LRMDA: variants seen among roughly 807,000 people sequenced by gnomAD.
LRMDA encodes the protein leucine rich melanocyte differentiation associated.
Under a neutral mutation model 29.8 loss-of-function variants are expected in LRMDA, and 18 were observed. The ratio of observed to expected loss-of-function variants is 0.60; its 90% CI spans 0.42 to 0.90. LRMDA has a LOEUF of 0.90. Among genes scored for constraint, LRMDA ranks in the 40% least tolerant of loss-of-function variants. LRMDA has a pLI of 0.00. For missense variants in LRMDA, 273 were observed against 273.9 expected, an observed-to-expected ratio of 1.00 and a Z score of 0.02; for synonymous variants, 125 against 109.4, an observed-to-expected ratio of 1.14 and a Z score of -0.89.
intron 5 of LRMDA, among the ~76,000 whole-genome samples, chr10:76,161,719 C>T (rs1453185978): frequency 6.6e-6 from 1 of 152,172 alleles, no homozygotes; most frequent in Non-Finnish European, 1.5e-5. Context: ...GGCCTTCCTG[C>T]CCTGTCTTTT....
At chr10:76,363,425 A>T (rs1841353930) in intron 6 of LRMDA, among the ~76,000 whole-genome samples, 1 of 152,140 alleles carries the variant, frequency 6.6e-6, no homozygotes, top group Non-Finnish European at 1.5e-5. Context: ...AATTCAGTGG[A>T]ATGTACATAA....
chr10:75,702,153 G>A (rs1023059969), intron 2 of LRMDA, among the ~76,000 whole-genome samples: 2 of 152,070 alleles, frequency 1.3e-5, no homozygotes, highest in Non-Finnish European at 2.9e-5. Context: ...GACTAGTTTG[G>A]CTTTCCTTGC....
intron 5 of LRMDA, among the ~76,000 whole-genome samples, chr10:76,199,008 A>G (rs1851380266): frequency 6.6e-6 from 1 of 152,300 alleles, no homozygotes; most frequent in South Asian, 2.1e-4. Flanking sequence ...GAAGAGGAAT[A>G]TCTTCATTCA....
intron 2 of LRMDA, among the ~76,000 whole-genome samples, chr10:75,977,901 T>C (rs939068379): frequency 2.3e-5 from 3 of 133,246 alleles, no homozygotes; most frequent in African/African-American, 9.6e-5. Flanking sequence ...TGTGCCTCAG[T>C]TTCCGCATCT....
intron 6 of LRMDA, among the ~76,000 whole-genome samples, chr10:76,384,056 C>T (rs1256717587): frequency 6.6e-6 from 1 of 152,188 alleles, no homozygotes; most frequent in East Asian, 1.9e-4. Context: ...ATAGTAAACT[C>T]CCAAAGAGCA....
At chr10:75,669,809 T>A (rs1841869207) in intron 2 of LRMDA, among the ~76,000 whole-genome samples, 1 of 152,166 alleles carries the variant, frequency 6.6e-6, no homozygotes, top group African/African-American at 2.4e-5. Flanking sequence ...TAAAGACATA[T>A]AAATAGGAGA....
At chr10:76,229,010 A>G (rs1852011697) in intron 5 of LRMDA, among the ~76,000 whole-genome samples, 1 of 152,222 alleles carries the variant, frequency 6.6e-6, no homozygotes, top group African/African-American at 2.4e-5. Flanking sequence ...TTTCTCACTG[A>G]TACAGTTTTT....
At chr10:76,084,041 A>G (rs1040385260) in intron 5 of LRMDA, among the ~76,000 whole-genome samples, 4 of 152,130 alleles carry the variant, frequency 2.6e-5, no homozygotes, top group African/African-American at 9.7e-5. Flanking sequence ...AGCAACATTC[A>G]TGAACGGAGG....
intron 2 of LRMDA, among the ~76,000 whole-genome samples, chr10:75,920,885 T>C (rs1007131288): frequency 4.6e-5 from 7 of 152,300 alleles, no homozygotes; most frequent in Middle Eastern, 3.4e-3. Context: ...CCTCTGGAGA[T>C]GTCTGATAGG....
intron 2 of LRMDA, among the ~76,000 whole-genome samples, chr10:75,804,766 T>C (rs777513390): frequency 2.0e-5 from 3 of 152,230 alleles, no homozygotes; most frequent in Non-Finnish European, 2.9e-5. Context: ...GTAGGGAAGA[T>C]AGATGGCTCT....
chr10:76,519,799 T>C (rs1207448130), intron 6 of LRMDA, among the ~76,000 whole-genome samples: 1 of 152,000 alleles, frequency 6.6e-6, no homozygotes, highest in Non-Finnish European at 1.5e-5. Context: ...ATTTTTATGT[T>C]ATAAACAGCT....
intron 5 of LRMDA, among the ~76,000 whole-genome samples, chr10:76,153,100 A>G (rs1850476070): frequency 6.6e-6 from 1 of 152,098 alleles, no homozygotes; most frequent in Non-Finnish European, 1.5e-5. Context: ...CGGCCTCCCA[A>G]AGTGCTGGGA....
chr10:76,322,462 A>C (rs960649527), intron 5 of LRMDA, among the ~76,000 whole-genome samples: 2 of 152,238 alleles, frequency 1.3e-5, no homozygotes, highest in Non-Finnish European at 2.9e-5. Context: ...TGAGCAGGAA[A>C]GTAATTAAGT....
intron 6 of LRMDA, among the ~76,000 whole-genome samples, chr10:76,544,224 T>A (rs1197213594): frequency 6.6e-6 from 1 of 152,194 alleles, no homozygotes; most frequent in Non-Finnish European, 1.5e-5. Context: ...GGCATCAAAC[T>A]GTCGGAGCCA....
intron 2 of LRMDA, among the ~76,000 whole-genome samples, chr10:75,562,592 T>G (rs555236341): frequency 1.3e-5 from 2 of 152,278 alleles, no homozygotes; most frequent in East Asian, 3.9e-4. Flanking sequence ...CTGGTTATTT[T>G]GCTCGTTAGT....
chr10:76,275,413 T>C (rs1444601764), intron 5 of LRMDA, among the ~76,000 whole-genome samples: 1 of 152,092 alleles, frequency 6.6e-6, no homozygotes, highest in Non-Finnish European at 1.5e-5. Flanking sequence ...TTTTGGGGAC[T>C]TTTTTAAGTA....
chr10:76,188,946 A>T (rs1418869482), intron 5 of LRMDA, among the ~76,000 whole-genome samples: 1 of 111,654 alleles, frequency 9.0e-6, no homozygotes, highest in Admixed American at 8.4e-5. Context: ...ACACACACAC[A>T]CACACACACA....
intron 2 of LRMDA, among the ~76,000 whole-genome samples, chr10:75,842,894 G>C (rs1352478094): frequency 2.0e-5 from 3 of 152,078 alleles, no homozygotes; most frequent in Non-Finnish European, 4.4e-5. Context: ...GGTAGCATGA[G>C]CTTGTAGTCC....
chr10:75,974,850 T>C (rs781458661), intron 2 of LRMDA, among the ~76,000 whole-genome samples: 3 of 152,180 alleles, frequency 2.0e-5, no homozygotes, highest in Non-Finnish European at 2.9e-5. Context: ...TAGATAATAA[T>C]TGCAGTATTA....
Sources: gnomAD v4.1 joint callset for allele counts (sites outside exome capture counted in the v4.1 genomes callset) on GRCh38, gnomAD v4.1.1 for gene constraint, MANE v1.5 for transcripts, NCBI Gene and HGNC (gene_info 2026-07-23, HGNC 2026-07-21) for gene names.